ANO6: variants seen among roughly 807,000 people sequenced by gnomAD.
ANO6 encodes anoctamin 6.
A neutral mutation model predicts 117.5 loss-of-function variants in ANO6; 106 were observed. The ratio of observed to expected loss-of-function variants is 0.90; its 90% CI spans 0.77 to 1.06. The LOEUF (loss-of-function observed/expected upper bound fraction) is 1.06. ANO6 is among the 50% of genes least tolerant of loss of function. The pLI, the probability that ANO6 is intolerant of heterozygous loss-of-function variation, is 0.00. For missense variants in ANO6, 955 were observed against 1,121.1 expected (o/e 0.85, Z 2.12); for synonymous variants, 367 against 385.1 (o/e 0.95, Z 0.55).
At chr12:45,291,820 A>C (rs1329957006) in intron 1 of ANO6, among the ~76,000 whole-genome samples, 1 of 152,192 alleles carries the variant, frequency 6.6e-6, no homozygotes, top group Non-Finnish European at 1.5e-5. Context: ...CAAAATAGTA[A>C]GTGTTGGTGA....
Position 45,430,492 on chromosome 12 carries a change from C to T in ANO6, c.*1181C>T, listed in dbSNP as rs1943606001. The T allele has an allele frequency of 4.3e-5, 42 of 985,274 alleles. No individual in the cohort carries two copies. Among genetic ancestry groups the T allele is most frequent in the Non-Finnish European group, 5.1e-5 (42 of 829,948 alleles). 61.0% of individuals were successfully genotyped at this position (985,274 alleles called of 1,614,324 possible). On this transcript the variant is annotated 3_prime_UTR_variant, in exon 20 of 20. Coordinates refer to ENST00000320560, the MANE Select transcript of ANO6 (RefSeq NM_001025356.3). The stretch of plus-strand genomic sequence containing the variant: ...AAAGAATGTGGCTTCCTTGCATCCT[C>T]CATCCTGTTACTCTGGGCCCAGTAA...
intron 1 of ANO6, among the ~76,000 whole-genome samples, chr12:45,219,147 G>A (rs559093272): frequency 1.2e-4 from 18 of 152,046 alleles, no homozygotes; most frequent in Admixed American, 5.2e-4. Flanking sequence ...ACCATTGGGC[G>A]TTATAATGGC....
rs766520212 is a variant in ANO6 at position 45,416,718 on chromosome 12, C to T, written c.2031C>T (p.Val677=). 5 of 1,613,964 alleles carry T rather than the reference C, an allele frequency of 3.1e-6. No homozygotes were observed. The highest frequency in any genetic ancestry group is 8.5e-7 in the Non-Finnish European group (1 of 1,180,002). Residue 677 remains valine (V), a synonymous_variant, in exon 17 of 20, where the codon GTC becomes GTT. Transcript: ENST00000320560. ...YLEMIIQFGF[V]TLFVASFPLA... ...TGACAGTTATTCAGTTTGGGTTCGT[C>T]ACCTTATTTGTGGCCTCTTTTCCAC...
intron 3 of ANO6, among the ~76,000 whole-genome samples, chr12:45,343,924 G>A (rs1941052714): frequency 6.6e-6 from 1 of 151,994 alleles, no homozygotes; most frequent in African/African-American, 2.4e-5. Flanking sequence ...TGCATCACTA[G>A]CATTCAATTT....
At chr12:45,404,604 C>T (rs1456798121) in intron 15 of ANO6, among the ~76,000 whole-genome samples, 1 of 152,034 alleles carries the variant, frequency 6.6e-6, no homozygotes, top group South Asian at 2.1e-4. Context: ...ACCTCTTCTC[C>T]ATCTTAAAGC....
At chr12:45,229,390 G>GTTTTTTTTTTTTTTTTTTTAGT (rs11422062) in intron 1 of ANO6, among the ~76,000 whole-genome samples, 1 of 127,338 alleles carries the variant, frequency 7.9e-6, no homozygotes, top group Non-Finnish European at 1.6e-5. Context: ...TTTATTTTTA[G>GTTTTTTTTTTTTTTTTTTTAGT]TTTTTTTTTT....
At chr12:45,275,441 C>A (rs1938525029) in intron 1 of ANO6, among the ~76,000 whole-genome samples, 1 of 152,110 alleles carries the variant, frequency 6.6e-6, no homozygotes. Context: ...AACTCCTGAC[C>A]TCATGATCCA....
At chr12:45,426,021 A>G (rs910677874) in intron 19 of ANO6, among the ~76,000 whole-genome samples, 2 of 152,230 alleles carry the variant, frequency 1.3e-5, no homozygotes, top group Non-Finnish European at 2.9e-5. Context: ...GTAACGAAAC[A>G]GCATTGAAGG....
At chr12:45,243,543 A>G (rs1947777513) in intron 1 of ANO6, among the ~76,000 whole-genome samples, 2 of 151,726 alleles carry the variant, frequency 1.3e-5, no homozygotes, top group African/African-American at 4.8e-5. Context: ...TGTTTTGTGA[A>G]TAATTTTTTT....
intron 19 of ANO6, among the ~76,000 whole-genome samples, chr12:45,423,868 A>C (rs1369606400): frequency 6.6e-6 from 1 of 152,200 alleles, no homozygotes; most frequent in Admixed American, 6.5e-5. Flanking sequence ...CCTACAGTGG[A>C]CTTCCACCTA....
At chr12:45,311,797 T>A (rs1301302124) in intron 2 of ANO6, among the ~76,000 whole-genome samples, 1 of 152,042 alleles carries the variant, frequency 6.6e-6, no homozygotes, top group Admixed American at 6.6e-5. Flanking sequence ...ACATGACAAT[T>A]GGCAATTTCT....
intron 6 of ANO6, among the ~76,000 whole-genome samples, chr12:45,350,261 G>A (rs1422269930): frequency 6.6e-6 from 1 of 152,172 alleles, no homozygotes; most frequent in Non-Finnish European, 1.5e-5. Flanking sequence ...AACCAGCCAA[G>A]GCCTTGGTTT....
At chr12:45,222,301 C>T (rs951175100) in intron 1 of ANO6, among the ~76,000 whole-genome samples, 2 of 152,152 alleles carry the variant, frequency 1.3e-5, no homozygotes, top group Non-Finnish European at 2.9e-5. Flanking sequence ...GCTGGGATTA[C>T]AGGTGCCCAC....
intron 2 of ANO6, among the ~76,000 whole-genome samples, chr12:45,307,204 A>G (rs561196235): frequency 2.8e-4 from 43 of 152,260 alleles, no homozygotes; most frequent in African/African-American, 9.9e-4. Context: ...CTGTTTTCAT[A>G]GGATCCCTTG....
At chr12:45,396,773 G>A (rs1312214747) in intron 12 of ANO6, among the ~76,000 whole-genome samples, 3 of 152,176 alleles carry the variant, frequency 2.0e-5, no homozygotes, top group African/African-American at 4.8e-5. Context: ...GGGAAAACTG[G>A]CTAGCCGTAT....
intron 1 of ANO6, among the ~76,000 whole-genome samples, chr12:45,274,843 T>C (rs1938501854): frequency 6.8e-6 from 1 of 147,228 alleles, no homozygotes; most frequent in Non-Finnish European, 1.5e-5. Context: ...CTTTCTCATC[T>C]AGGATGCTTG....
intron 16 of ANO6, among the ~76,000 whole-genome samples, chr12:45,412,164 C>G (rs1188765738): frequency 2.0e-5 from 3 of 152,190 alleles, no homozygotes; most frequent in Non-Finnish European, 2.9e-5. Flanking sequence ...TCCAAGTACA[C>G]AGACACAGAA....
At chr12:45,258,391 C>T (rs1937910463) in intron 1 of ANO6, among the ~76,000 whole-genome samples, 1 of 152,088 alleles carries the variant, frequency 6.6e-6, no homozygotes, top group African/African-American at 2.4e-5. Flanking sequence ...TTGTCGTCTT[C>T]TTGCCTTTTC....
chr12:45,229,965 C>T (rs939948098), intron 1 of ANO6, among the ~76,000 whole-genome samples: 4 of 149,946 alleles, frequency 2.7e-5, no homozygotes, highest in Admixed American at 2.0e-4. Context: ...TCTCACTTTG[C>T]AGGATGATGG....
Sources: gnomAD v4.1 joint callset for allele counts (sites outside exome capture counted in the v4.1 genomes callset) on GRCh38, gnomAD v4.1.1 for gene constraint, MANE v1.5 for transcripts, NCBI Gene and HGNC (gene_info 2026-07-23, HGNC 2026-07-21) for gene names.